ABI1: variants seen among roughly 807,000 people sequenced by gnomAD.
ABI1 encodes abl interactor 1.
Under a neutral mutation model 54.6 loss-of-function variants are expected in ABI1, and 14 were observed. The observed-to-expected ratio is 0.26, with a 90% CI of 0.17 to 0.40. ABI1 has a LOEUF of 0.40. Among genes scored for constraint, ABI1 ranks in the 10% least tolerant of loss-of-function variants. ABI1 has a pLI of 1.00. For missense variants in ABI1, 443 were observed against 598.3 expected (o/e 0.74, Z 2.71); for synonymous variants, 194 against 209.3 (o/e 0.93, Z 0.63).
chr10:26,779,926 A>C (rs1415157433), intron 2 of ABI1, among the ~76,000 whole-genome samples: 2 of 152,208 alleles, frequency 1.3e-5, no homozygotes, highest in Non-Finnish European at 2.9e-5. Flanking sequence ...TCACTGAAGA[A>C]TCAGAAACTA....
intron 4 of ABI1, chr10:26,770,587 CTTATT>C (rs1192726263): frequency 1.5e-6 from 1 of 674,702 alleles, no homozygotes; most frequent in South Asian, 1.4e-5. Context: ...GATTTAATAT[CTTATT>C]TTATTGTTAA....
intron 1 of ABI1, among the ~76,000 whole-genome samples, chr10:26,837,761 G>T (rs12221102): frequency 0.57 from 85,688 of 150,074 alleles, 26,624 homozygotes; most frequent in African/African-American, 0.83. Context: ...ATTACAGGTG[G>T]GTGCCACCAC....
At chr10:26,848,695 G>T (rs2134191379) in intron 1 of ABI1, among the ~76,000 whole-genome samples, 1 of 140,040 alleles carries the variant, frequency 7.1e-6, no homozygotes, top group East Asian at 2.1e-4. Flanking sequence ...TGCAACCTCT[G>T]CCTCCCAGGT....
intron 3 of ABI1, among the ~76,000 whole-genome samples, chr10:26,771,930 T>C (rs115524788): frequency 4.6e-4 from 68 of 148,518 alleles, no homozygotes; most frequent in African/African-American, 1.5e-3. Flanking sequence ...ACAATGCCAC[T>C]AAAAAAAAAT....
intron 3 of ABI1, 37 bp from the exon 4 acceptor site, chr10:26,771,126 C>T (rs767852666): frequency 3.2e-5 from 51 of 1,610,978 alleles, no homozygotes; most frequent in Non-Finnish European, 4.2e-5. Context: ...AAAAAGTAGA[C>T]ATTAATGCTA....
chr10:26,789,622 G>GT (rs947954048), intron 2 of ABI1, among the ~76,000 whole-genome samples: 161 of 144,894 alleles, frequency 1.1e-3, no homozygotes, highest in African/African-American at 3.6e-3. Flanking sequence ...AATATTTTAT[G>GT]TTTTTTTTAA....
At chr10:26,808,944 C>T (rs1293907342) in intron 2 of ABI1, among the ~76,000 whole-genome samples, 1 of 151,808 alleles carries the variant, frequency 6.6e-6, no homozygotes, top group Non-Finnish European at 1.5e-5. Context: ...CAAAGTATTG[C>T]TGCCAATTTT....
At position 26,856,803 on chromosome 10, in the gene ABI1, C is replaced by G. The variant is rs564452989; in HGVS notation, c.117+3944G>C. On this transcript the variant is annotated intron_variant, in intron 1 of 10. Transcript: ENST00000376140. ...CCTACCAATCTGCATCCTGACAAAC[C>G]TTCTTAAGCAGTTTCTACTCCTTTT... 7.9e-5 allele frequency among the ~76,000 whole-genome samples: 12 copies of G among 152,268 alleles called. No individual in the cohort carries two copies. In the East Asian group the frequency reaches 2.3e-3, roughly 29 times the overall value.
chr10:26,779,910 G>C (rs1841890432), intron 2 of ABI1, among the ~76,000 whole-genome samples: 2 of 152,116 alleles, frequency 1.3e-5, no homozygotes, highest in Admixed American at 6.5e-5. Context: ...TGCGGATCAA[G>C]GTAATTCACT....
At chr10:26,777,399 A>C (rs930248040) in intron 2 of ABI1, among the ~76,000 whole-genome samples, 158 bp from the exon 3 acceptor site, 6 of 152,268 alleles carry the variant, frequency 3.9e-5, no homozygotes, top group Non-Finnish European at 8.8e-5. Context: ...AAAAGCAGAG[A>C]ATATTTAGTG....
At chr10:26,807,005 G>T (rs911057548) in intron 2 of ABI1, among the ~76,000 whole-genome samples, 2 of 151,918 alleles carry the variant, frequency 1.3e-5, no homozygotes, top group Admixed American at 6.6e-5. Context: ...TTGAATATTG[G>T]CCATGTTTTC....
At chr10:26,748,796 T>A (rs1359686568) in intron 10 of ABI1, 51 bp from the exon 11 acceptor site, 1 of 1,320,390 alleles carries the variant, frequency 7.6e-7, no homozygotes, top group South Asian at 1.3e-5. Flanking sequence ...ATCCAAAATT[T>A]ACTTGAATTT....
At chr10:26,770,148 G>A in intron 5 of ABI1, 97 bp downstream of exon 5, 1 of 904,924 alleles carries the variant, frequency 1.1e-6, no homozygotes, top group Non-Finnish European at 1.8e-6. Flanking sequence ...ACATAGAGAG[G>A]GTAGTGTGGC....
chr10:26,761,118 G>A (rs911592941), intron 7 of ABI1, among the ~76,000 whole-genome samples: 1 of 151,644 alleles, frequency 6.6e-6, no homozygotes, highest in African/African-American at 2.4e-5. Context: ...AATTTTTTAT[G>A]TTTTGTAGAG....
chr10:26,859,245 A>G (rs2051100761), intron 1 of ABI1, among the ~76,000 whole-genome samples: 1 of 151,828 alleles, frequency 6.6e-6, no homozygotes, highest in South Asian at 2.1e-4. Flanking sequence ...TGAAAGCTTG[A>G]AAAAAAAATT....
chr10:26,856,454 A>AAAC, intron 1 of ABI1, among the ~76,000 whole-genome samples: 1 of 149,906 alleles, frequency 6.7e-6, no homozygotes, highest in Admixed American at 6.6e-5. Flanking sequence ...AAAAAAAAAA[A>AAAC]AAAAAAAACT....
intron 2 of ABI1, among the ~76,000 whole-genome samples, chr10:26,818,447 C>T (rs905108742): frequency 1.3e-4 from 20 of 149,978 alleles, no homozygotes; most frequent in South Asian, 2.1e-4. Context: ...GGTGAAACCC[C>T]GTCTCTACTA....
At chr10:26,823,001 G>A in intron 2 of ABI1, 137 bp downstream of exon 2, 1 of 746,504 alleles carries the variant, frequency 1.3e-6, no homozygotes, top group Non-Finnish European at 2.1e-6. Flanking sequence ...AAAACAGCAG[G>A]TTTACCAAAC....
intron 1 of ABI1, among the ~76,000 whole-genome samples, chr10:26,849,367 G>T (rs1202842049): frequency 1.3e-5 from 2 of 152,196 alleles, no homozygotes; most frequent in Non-Finnish European, 2.9e-5. Context: ...TGTTCTTGAT[G>T]AAGCAGGAAA....
Sources: gnomAD v4.1 joint callset for allele counts (sites outside exome capture counted in the v4.1 genomes callset) on GRCh38, gnomAD v4.1.1 for gene constraint, MANE v1.5 for transcripts, NCBI Gene and HGNC (gene_info 2026-07-23, HGNC 2026-07-21) for gene names.